LRRC14: variants seen among roughly 807,000 people sequenced by gnomAD.
LRRC14 encodes the protein leucine rich repeat containing 14.
In LRRC14, 16 loss-of-function variants were observed where a neutral mutation model predicts 25.3. The ratio of observed to expected loss-of-function variants is 0.63; its 90% confidence interval spans 0.43 to 0.96. The LOEUF is 0.96. Among genes scored for constraint, LRRC14 ranks in the 40% least tolerant of loss-of-function variants. LRRC14 has a pLI of 0.00. For synonymous variants in LRRC14, 359 were observed against 295.1 expected (o/e 1.22, Z -2.22); for missense variants, 594 against 660.5 (o/e 0.90, Z 1.10).
Position 144,521,529 on chromosome 8 carries a change from G to C in LRRC14, c.*51G>C, listed in dbSNP as rs1421320798. 1 of 1,528,514 alleles carries C rather than the reference G, an allele frequency of 6.5e-7. No homozygotes were observed. Among genetic ancestry groups the C allele is most frequent in the East Asian group, 2.3e-5 (1 of 43,486 alleles). 94.7% of individuals were successfully genotyped at this position (1,528,514 alleles called of 1,614,324 possible). On this transcript the variant is annotated 3_prime_UTR_variant, in exon 4 of 4. Transcript: ENST00000292524. The stretch of plus-strand genomic sequence containing the variant: ...GCCGCCCTGCAGTCTCTTTAGGTAG[G>C]CAGGGCCTTTGCTGGGACCCCTGGT...
chr8:144,523,505 C>A lies in LRRC14; in HGVS notation c.*2027C>A. The A allele has an allele frequency of 7.0e-7, 1 of 1,433,406 alleles. No individual in the cohort carries two copies. Among genetic ancestry groups the A allele is most frequent in the East Asian group, 2.6e-5 (1 of 37,860 alleles). The allele number at this position is 1,433,406 out of a possible 1,614,324, so 88.8% of individuals were successfully genotyped here. On this transcript the variant is annotated 3_prime_UTR_variant, in exon 4 of 4. Coordinates refer to ENST00000292524, the MANE Select transcript of LRRC14 (RefSeq NM_014665.4). ...CAGGCCAGGACAGAGGCCTCTTTCC[C>A]ACCTCCCACAGCGTTTTCACACGGA...
In LRRC14 at chr8:144,525,049, G is replaced by A. The variant is rs994334859; in HGVS notation, c.*3571G>A. 14 of 1,360,284 alleles carry A rather than the reference G, an allele frequency of 1.0e-5. No individual in the cohort carries two copies. Among genetic ancestry groups the A allele is most frequent in the Non-Finnish European group, 1.2e-5 (13 of 1,060,280 alleles). 84.3% of individuals were successfully genotyped at this position (1,360,284 alleles called of 1,614,324 possible). A position where few individuals can be genotyped will look rare whatever the true frequency, so the allele number is the denominator to read the frequency against. On this transcript the variant is annotated 3_prime_UTR_variant, in exon 4 of 4. Transcript: ENST00000292524. Reference sequence around the variant, plus strand: ...GCGTGCCCTCCTGAAACACAGGTTGGCAGGCCAGTCTCGGCAGTCGAGAGC... The same window carrying A: ...GCGTGCCCTCCTGAAACACAGGTTGACAGGCCAGTCTCGGCAGTCGAGAGC...
At chr8:144,520,144 G>A in intron 2 of LRRC14, 90 bp downstream of exon 2, 3 of 1,564,948 alleles carry the variant, frequency 1.9e-6, no homozygotes, top group Non-Finnish European at 2.6e-6. Flanking sequence ...AAGAGCTCAT[G>A]CAGGAGCAGG....
In LRRC14 at chr8:144,523,151, G is replaced by T; in HGVS notation, c.*1673G>T. On this transcript the variant is annotated 3_prime_UTR_variant, in exon 4 of 4. Coordinates refer to ENST00000292524, the MANE Select transcript of LRRC14 (RefSeq NM_014665.4). ...GGGCACCTTTCTCCAGGTCACCAATGGCTGCGGGTAGCCGGAGGCTTGGCA... is the reference window on the plus strand; with the variant it reads ...GGGCACCTTTCTCCAGGTCACCAATTGCTGCGGGTAGCCGGAGGCTTGGCA... 6.2e-7 allele frequency: 1 copy of T among 1,610,984 alleles called. No individual in the cohort carries two copies. Among genetic ancestry groups the T allele is most frequent in the South Asian group, 1.1e-5 (1 of 90,932 alleles).
intron 1 of LRRC14, chr8:144,518,739 T>C (rs907874931): frequency 1.3e-5 from 2 of 152,272 alleles, no homozygotes; most frequent in African/African-American, 2.4e-5. Flanking sequence ...CATTTTCTAA[T>C]CTGTCACAGG....
At position 144,523,879 on chromosome 8, in the gene LRRC14, T is replaced by A. The variant is rs1816235572; in HGVS notation, c.*2401T>A. ...CCTAAAAGTGTGCAGAACCCTCAAT[T>A]CTGTTAAGTCACCCTGTGGAGTTCC... On this transcript the variant is annotated 3_prime_UTR_variant, in exon 4 of 4. Coordinates refer to ENST00000292524, the MANE Select transcript of LRRC14 (RefSeq NM_014665.4). The A allele has an allele frequency of 3.5e-6, 2 of 569,600 alleles. No homozygotes were observed. Among genetic ancestry groups the A allele is most frequent in the Non-Finnish European group, 6.1e-6 (2 of 325,308 alleles). The allele number at this position is 569,600 out of a possible 1,614,324, so 35.3% of individuals were successfully genotyped here.
chr8:144,521,345 C>G lies in LRRC14; in HGVS notation c.1349C>G (p.Ala450Gly). Reference sequence around the variant, plus strand: ...CCGCCTGCCTCTGTCCTGCTGGAGGCCTCCATCAATGAGGAGAAGTTTGCC... The same window carrying G: ...CCGCCTGCCTCTGTCCTGCTGGAGGGCTCCATCAATGAGGAGAAGTTTGCC... Reference protein sequence around the residue: ...WPPPASVLLEASINEEKFARV... With the variant: ...WPPPASVLLEGSINEEKFARV... The change falls in exon 4 of 4, where the codon GCC (alanine) becomes GGC (glycine). Residue 450 changes from alanine (A) to glycine (G), a missense_variant. Physicochemically the swap from Ala to Gly is moderately conservative, Grantham distance 60. Coordinates refer to ENST00000292524, the MANE Select transcript of LRRC14 (RefSeq NM_014665.4). 6.2e-7 allele frequency: 1 copy of G among 1,613,014 alleles called. No individual in the cohort carries two copies. The highest frequency in any genetic ancestry group is 8.5e-7 in the Non-Finnish European group (1 of 1,180,012).
intron 1 of LRRC14, chr8:144,519,414 C>G (rs1027423113): frequency 1.6e-5 from 8 of 487,684 alleles, no homozygotes; most frequent in African/African-American, 9.7e-5. Flanking sequence ...AGGCATCTGT[C>G]AAAAGCATAC....
Position 144,521,513 on chromosome 8 carries a change from C to T in LRRC14, c.*35C>T, listed in dbSNP as rs929567255. On this transcript the variant is annotated 3_prime_UTR_variant, in exon 4 of 4. Transcript: ENST00000292524. ...TCTGGGTGAGACACAGGCCGCCCTG[C>T]AGTCTCTTTAGGTAGGCAGGGCCTT... 1 of 1,564,902 alleles carries T rather than the reference C, an allele frequency of 6.4e-7. No individual in the cohort carries two copies. The highest frequency in any genetic ancestry group is 8.6e-7 in the Non-Finnish European group (1 of 1,158,284).
Position 144,522,784 on chromosome 8 carries a change from G to T in LRRC14, c.*1306G>T. The T allele has an allele frequency of 1.3e-6, 2 of 1,554,492 alleles. No homozygotes were observed. The highest frequency in any genetic ancestry group is 1.7e-6 in the Non-Finnish European group (2 of 1,154,484). On this transcript the variant is annotated 3_prime_UTR_variant, in exon 4 of 4. Transcript: ENST00000292524. ...GCAGCGCCGTGAGCGCCAGCAGCGC[G>T]ATGGCCGCCGCAATGGCCGTCTGTG...
At position 144,523,524 on chromosome 8, in the gene LRRC14, A is replaced by T. The variant is rs1014981002; in HGVS notation, c.*2046A>T. The T allele has an allele frequency of 5.7e-6, 8 of 1,400,796 alleles. No individual in the cohort carries two copies. In the African/African-American group the frequency reaches 9.5e-5, roughly 17 times the overall value. 86.8% of individuals were successfully genotyped at this position (1,400,796 alleles called of 1,614,324 possible). On this transcript the variant is annotated 3_prime_UTR_variant, in exon 4 of 4. Transcript: ENST00000292524. ...CTTTCCCACCTCCCACAGCGTTTTC[A>T]CACGGAGTCCAAGGCCCTGCCACCC...
In LRRC14 at chr8:144,521,727, C is replaced by T. The variant is rs1207818293; in HGVS notation, c.*249C>T. ...GGGGCTGGATGTCAGGCCTCCATTG[C>T]CCTGCTCAGTTTGGCTGCATTTGGC... On this transcript the variant is annotated 3_prime_UTR_variant, in exon 4 of 4. Transcript: ENST00000292524. The T allele has an allele frequency of 2.2e-5, 12 of 533,388 alleles. No individual in the cohort carries two copies. The highest frequency in any genetic ancestry group is 3.4e-5 in the Admixed American group (1 of 29,472). The allele number at this position is 533,388 out of a possible 1,614,324, so 33.0% of individuals were successfully genotyped here.
chr8:144,521,699 C>A lies in LRRC14; in HGVS notation c.*221C>A. ...CATAATTGGCTGATCATCTGTGGGC[C>A]CCGGGGCTGGATGTCAGGCCTCCAT... On this transcript the variant is annotated 3_prime_UTR_variant, in exon 4 of 4. Transcript: ENST00000292524. The A allele has an allele frequency of 1.7e-6, 1 of 573,984 alleles. No homozygotes were observed. The highest frequency in any genetic ancestry group is 3.1e-6 in the Non-Finnish European group (1 of 324,526). 35.6% of individuals were successfully genotyped at this position (573,984 alleles called of 1,614,324 possible).
At position 144,524,559 on chromosome 8, in the gene LRRC14, C is replaced by G; in HGVS notation, c.*3081C>G. On this transcript the variant is annotated 3_prime_UTR_variant, in exon 4 of 4. Coordinates refer to ENST00000292524, the MANE Select transcript of LRRC14 (RefSeq NM_014665.4). Reference sequence around the variant, plus strand: ...GCTGCGCAAGCCGCGCAGCCGGTTGCTAGTGAGCGCCAGCTCCAGCAGGCG... The same window carrying G: ...GCTGCGCAAGCCGCGCAGCCGGTTGGTAGTGAGCGCCAGCTCCAGCAGGCG... 6.4e-7 allele frequency: 1 copy of G among 1,570,664 alleles called. No homozygotes were observed. Among genetic ancestry groups the G allele is most frequent in the African/African-American group, 1.3e-5 (1 of 74,352 alleles).
At position 144,521,034 on chromosome 8, in the gene LRRC14, C is replaced by T. The variant is rs143508921; in HGVS notation, c.1038C>T (p.Asn346=). 4.7e-4 allele frequency: 759 copies of T among 1,613,088 alleles called. 4 individuals carry two copies. In the East Asian group the frequency reaches 4.9e-3, roughly 10 times the overall value. Residue 346 remains asparagine, a synonymous_variant, in exon 4 of 4, where the codon AAC becomes AAT. Coordinates refer to ENST00000292524, the MANE Select transcript of LRRC14 (RefSeq NM_014665.4). ...AHLKKLDLSG[N]DLSGSQLAPF... ...TCAAGAAGTTGGACCTGAGTGGTAA[C>T]GACCTGTCTGGCAGCCAGCTGGCAC...
Position 144,524,469 on chromosome 8 carries a change from A to G in LRRC14, c.*2991A>G. Reference sequence around the variant, plus strand: ...CAGGTGCAAGAAGGTGAAATCCAGCAGCCGCGCCAGCTGGTTGCCCGCCAG... The same window carrying G: ...CAGGTGCAAGAAGGTGAAATCCAGCGGCCGCGCCAGCTGGTTGCCCGCCAG... On this transcript the variant is annotated 3_prime_UTR_variant, in exon 4 of 4. Transcript: ENST00000292524. The G allele has an allele frequency of 6.3e-7, 1 of 1,597,882 alleles. No homozygotes were observed. The highest frequency in any genetic ancestry group is 8.5e-7 in the Non-Finnish European group (1 of 1,179,812).
chr8:144,522,517 TC>T lies in LRRC14; in HGVS notation c.*1042del. The T allele has an allele frequency of 2.0e-6, 3 of 1,504,146 alleles. No individual in the cohort carries two copies. Among genetic ancestry groups the T allele is most frequent in the Non-Finnish European group, 2.7e-6 (3 of 1,130,790 alleles). 93.2% of individuals were successfully genotyped at this position (1,504,146 alleles called of 1,614,324 possible). Reference sequence around the variant, plus strand: ...AGGCGACCGGCGGGGGCACGCGGAGTCCCGGCCCCGCCCCCTGTTCCGGGCC... The same window carrying T: ...AGGCGACCGGCGGGGGCACGCGGAGTCCGGCCCCGCCCCCTGTTCCGGGCC... On this transcript the variant is annotated 3_prime_UTR_variant, in exon 4 of 4. Coordinates refer to ENST00000292524, the MANE Select transcript of LRRC14 (RefSeq NM_014665.4).
chr8:144,524,854 A>G lies in LRRC14; in HGVS notation c.*3376A>G. ...GGGATTCCCAGCGGGACGACGCGCAACCGCAGGGCGCCACACTCCACCGTG... is the reference window on the plus strand; with the variant it reads ...GGGATTCCCAGCGGGACGACGCGCAGCCGCAGGGCGCCACACTCCACCGTG... On this transcript the variant is annotated 3_prime_UTR_variant, in exon 4 of 4. Transcript: ENST00000292524. 6.7e-7 allele frequency: 1 copy of G among 1,491,782 alleles called. No individual in the cohort carries two copies. The highest frequency in any genetic ancestry group is 8.9e-7 in the Non-Finnish European group (1 of 1,120,534). 92.4% of individuals were successfully genotyped at this position (1,491,782 alleles called of 1,614,324 possible). A position where few individuals can be genotyped will look rare whatever the true frequency, so the allele number is the denominator to read the frequency against.
In LRRC14 at chr8:144,523,236, A is replaced by G. The variant is rs961842633; in HGVS notation, c.*1758A>G. 3 of 1,610,330 alleles carry G rather than the reference A, an allele frequency of 1.9e-6. No homozygotes were observed. Among genetic ancestry groups the G allele is most frequent in the Non-Finnish European group, 2.5e-6 (3 of 1,178,924 alleles). On this transcript the variant is annotated 3_prime_UTR_variant, in exon 4 of 4. Transcript: ENST00000292524. ...AGCTCCAGCGGCTGCACGTGGACAGAGGGCGGAATGCAGATGAGGCTGCTG... is the reference window on the plus strand; with the variant it reads ...AGCTCCAGCGGCTGCACGTGGACAGGGGGCGGAATGCAGATGAGGCTGCTG...
Sources: gnomAD v4.1 joint callset for allele counts on GRCh38, gnomAD v4.1.1 for gene constraint, MANE v1.5 for transcripts, NCBI Gene and HGNC (gene_info 2026-07-23, HGNC 2026-07-21) for gene names.